The following DPP6 variants were observed in gnomAD, a reference collection of about 807,000 sequenced individuals.
DPP6 encodes dipeptidyl peptidase like 6, also known as A-type potassium channel modulatory protein DPP6.
A neutral mutation model predicts 122.6 loss-of-function variants in DPP6; 69 were observed. That is an observed-to-expected ratio of 0.56 (90% CI 0.46 to 0.69). The LOEUF (loss-of-function observed/expected upper bound fraction) is 0.69. Ranked by LOEUF, DPP6 falls within the 30% of genes least tolerant of loss-of-function variation. DPP6 has a pLI of 0.00. For synonymous variants in DPP6, 418 were observed against 433.1 expected (o/e 0.97, Z 0.43); for missense variants, 928 against 1,116.9 (o/e 0.83, Z 2.41).
intron 1 of DPP6, among the ~76,000 whole-genome samples, chr7:154,270,080 C>T (rs1236470204): frequency 6.6e-6 from 1 of 152,146 alleles, no homozygotes; most frequent in Non-Finnish European, 1.5e-5. Context: ...TTCTAATTCT[C>T]ATTTTCCCAT....
intron 1 of DPP6, among the ~76,000 whole-genome samples, chr7:154,406,518 C>T (rs894750353): frequency 6.6e-6 from 1 of 152,044 alleles, no homozygotes; most frequent in African/African-American, 2.4e-5. Flanking sequence ...CACACATCCA[C>T]GCACAAATGC....
chr7:154,177,646 C>T (rs934622022), intron 1 of DPP6, among the ~76,000 whole-genome samples: 3 of 152,152 alleles, frequency 2.0e-5, no homozygotes, highest in Admixed American at 6.5e-5. Context: ...TTCCTTTACG[C>T]ACTTTTTAAA....
intron 1 of DPP6, among the ~76,000 whole-genome samples, chr7:154,040,497 C>T (rs1299205056): frequency 6.7e-6 from 1 of 149,198 alleles, no homozygotes; most frequent in Non-Finnish European, 1.5e-5. Context: ...CATGTAGAAT[C>T]TGTTAGTGGC....
chr7:154,442,103 A>G (rs1374036848), intron 1 of DPP6, among the ~76,000 whole-genome samples: 1 of 152,168 alleles, frequency 6.6e-6, no homozygotes, highest in African/African-American at 2.4e-5. Context: ...TTCTGCATCC[A>G]TCAATGATTG....
At chr7:153,839,458 C>T in the DPP6 span, among the ~76,000 whole-genome samples, 3 of 152,226 alleles carry the variant, frequency 2.0e-5, no homozygotes, top group Admixed American at 2.0e-4. Context: ...GCTGATGGAC[C>T]CTGAACGCTA....
At chr7:154,855,245 C>A (rs1802734433) in intron 17 of DPP6, among the ~76,000 whole-genome samples, 1 of 152,134 alleles carries the variant, frequency 6.6e-6, no homozygotes, top group South Asian at 2.1e-4. Context: ...GTCTGCCAAG[C>A]TATCAAATCA....
chr7:154,301,786 CTTTTTTTTTTTT>C lies in DPP6; in HGVS notation c.244-144412_244-144401del, dbSNP rs869114137. On this transcript the variant is annotated intron_variant, in intron 1 of 25. Transcript: ENST00000377770. The stretch of plus-strand genomic sequence containing the variant: ...GAACACTTAATACAAGATCTGCCCT[CTTTTTTTTTTTT>C]TTTTTTTTTTTTTTTGTTGGAGACA... Among the ~76,000 whole-genome samples the C allele has an allele frequency of 7.5e-5, 9 of 119,836 alleles. 1 individual carries two copies. Among genetic ancestry groups the C allele is most frequent in the Admixed American group, 4.5e-4 (5 of 11,074 alleles). 78.6% of individuals were successfully genotyped at this position (119,836 alleles called of 152,430 possible).
intron 8 of DPP6, among the ~76,000 whole-genome samples, chr7:154,751,467 G>A (rs1047972892): frequency 1.1e-4 from 16 of 151,340 alleles, no homozygotes; most frequent in African/African-American, 2.4e-4. Flanking sequence ...AAAATTAGTC[G>A]GGCGTGGTGG....
chr7:154,260,148 C>T (rs1160691672), intron 1 of DPP6, among the ~76,000 whole-genome samples: 1 of 152,110 alleles, frequency 6.6e-6, no homozygotes, highest in Non-Finnish European at 1.5e-5. Context: ...TGTGGAGAGG[C>T]AGCCACAAGT....
At position 154,061,818 on chromosome 7, in the gene DPP6, C is replaced by T. The variant is rs1301071463; in HGVS notation, c.243+8755C>T. 2.2e-5 allele frequency among the ~76,000 whole-genome samples: 3 copies of T among 138,416 alleles called. 1 individual carries two copies. Among genetic ancestry groups the T allele is most frequent in the African/African-American group, 5.5e-5 (2 of 36,526 alleles). The allele number at this position is 138,416 out of a possible 152,430, so 90.8% of individuals were successfully genotyped here. A position where few individuals can be genotyped will look rare whatever the true frequency, so the allele number is the denominator to read the frequency against. On this transcript the variant is annotated intron_variant, in intron 1 of 25. Transcript: ENST00000377770. ...CGCGACGCGGGGACTGAGAGCGAGC[C>T]CCTCTTCCCCCCTTTGCTCTTAGGA... is the stretch of plus-strand genomic sequence containing the variant.
At chr7:154,090,431 A>G (rs1563188516) in intron 1 of DPP6, among the ~76,000 whole-genome samples, 2 of 152,256 alleles carry the variant, frequency 1.3e-5, no homozygotes, top group Non-Finnish European at 2.9e-5. Context: ...CATTTAGTTG[A>G]ATATGTGGAT....
chr7:154,819,650 C>T (rs895517540), intron 16 of DPP6, among the ~76,000 whole-genome samples: 2 of 152,130 alleles, frequency 1.3e-5, no homozygotes, highest in Non-Finnish European at 2.9e-5. Context: ...AGAGCACATA[C>T]ATTTCTCTTT....
Position 154,317,295 on chromosome 7 carries a change from G to C in DPP6, c.244-128919G>C, listed in dbSNP as rs1419437788. Among the ~76,000 whole-genome samples, 3 of 152,224 alleles carry C rather than the reference G, an allele frequency of 2.0e-5. No individual in the cohort carries two copies. In the East Asian group the frequency reaches 5.8e-4, roughly 29 times the overall value. On this transcript the variant is annotated intron_variant, in intron 1 of 25. Transcript: ENST00000377770. ...GCGGATCATGAGGTCAGGAGATTGA[G>C]ACCATCCTGGCTAACATGGTGAATC...
intron 1 of DPP6, among the ~76,000 whole-genome samples, chr7:154,242,537 A>G (rs934592661): frequency 1.6e-4 from 25 of 152,250 alleles, no homozygotes; most frequent in African/African-American, 5.8e-4. Flanking sequence ...TAAAATGTGC[A>G]TGACAAATGT....
intron 1 of DPP6, among the ~76,000 whole-genome samples, chr7:154,073,582 G>C (rs1477598751): frequency 6.6e-6 from 1 of 152,236 alleles, no homozygotes. Context: ...TAGGGTCTCA[G>C]TACTCATCGC....
chr7:154,412,663 A>T (rs1042829193), intron 1 of DPP6, among the ~76,000 whole-genome samples: 1 of 152,156 alleles, frequency 6.6e-6, no homozygotes, highest in African/African-American at 2.4e-5. Flanking sequence ...CAATCCAGAG[A>T]AGCAATATCT....
intron 2 of DPP6, among the ~76,000 whole-genome samples, chr7:154,463,842 C>T (rs1218731641): frequency 6.6e-6 from 1 of 152,142 alleles, no homozygotes; most frequent in Non-Finnish European, 1.5e-5. Flanking sequence ...AAGACAATTT[C>T]CTCTTTTCTC....
chr7:153,763,701 A>C, the DPP6 span, among the ~76,000 whole-genome samples: 2 of 152,166 alleles, frequency 1.3e-5, no homozygotes, highest in Non-Finnish European at 2.9e-5. Context: ...GTTTTGTGGC[A>C]ATTGGAGTTG....
chr7:154,590,313 A>G (rs948511531), intron 5 of DPP6, among the ~76,000 whole-genome samples: 1 of 151,860 alleles, frequency 6.6e-6, no homozygotes, highest in Non-Finnish European at 1.5e-5. Context: ...TCTATTTTTT[A>G]TTATTCAAAA....
Sources: gnomAD v4.1 joint callset for allele counts (sites outside exome capture counted in the v4.1 genomes callset) on GRCh38, gnomAD v4.1.1 for gene constraint, MANE v1.5 for transcripts, NCBI Gene and HGNC (gene_info 2026-07-23, HGNC 2026-07-21) for gene names.